The following VPS53 variants were observed in gnomAD, a reference collection of about 807,000 sequenced individuals.
VPS53 encodes the protein VPS53 subunit of GARP complex.
A neutral mutation model predicts 107.0 loss-of-function variants in VPS53; 70 were observed. That is an observed-to-expected ratio of 0.65 (90% CI 0.54 to 0.80). The LOEUF is 0.80. Among genes scored for constraint, VPS53 ranks in the 30% least tolerant of loss-of-function variants. The pLI is 0.00. For synonymous variants in VPS53, 409 were observed against 393.3 expected, an observed-to-expected ratio of 1.04 and a Z score of -0.47; for missense variants, 917 against 1,049.4, an observed-to-expected ratio of 0.87 and a Z score of 1.74.
intron 4 of VPS53, among the ~76,000 whole-genome samples, chr17:691,322 A>G (rs1407405144): frequency 6.6e-6 from 1 of 152,226 alleles, no homozygotes; most frequent in African/African-American, 2.4e-5. Context: ...GTTTCTCACA[A>G]CTAAAGCTAT....
intron 11 of VPS53, among the ~76,000 whole-genome samples, chr17:622,447 G>A (rs1969508095): frequency 2.0e-5 from 3 of 151,600 alleles, no homozygotes; most frequent in African/African-American, 7.3e-5. Context: ...CTCTCAACTT[G>A]GATTTCTTCT....
At chr17:583,805 A>G (rs969656990) in intron 13 of VPS53, among the ~76,000 whole-genome samples, 3 of 148,408 alleles carry the variant, frequency 2.0e-5, no homozygotes, top group Non-Finnish European at 3.0e-5. Context: ...CAGGACCTCA[A>G]TGCATTCCCA....
intron 13 of VPS53, among the ~76,000 whole-genome samples, chr17:584,838 T>C (rs1299535083): frequency 1.3e-5 from 2 of 152,190 alleles, no homozygotes; most frequent in East Asian, 3.8e-4. Flanking sequence ...GTGAAAAGCA[T>C]ATACTGTATT....
intron 13 of VPS53, among the ~76,000 whole-genome samples, chr17:564,370 A>C (rs1913294115): frequency 6.6e-6 from 1 of 151,636 alleles, no homozygotes; most frequent in African/African-American, 2.4e-5. Context: ...CCCCGTCTCT[A>C]CTAAAAATAC....
At chr17:547,804 A>T (rs747469421) in intron 17 of VPS53, among the ~76,000 whole-genome samples, 3 of 151,890 alleles carry the variant, frequency 2.0e-5, no homozygotes, top group Non-Finnish European at 4.4e-5. Flanking sequence ...TGTCCAGCAA[A>T]TTTTTTGTGT....
intron 11 of VPS53, among the ~76,000 whole-genome samples, chr17:612,359 G>A (rs1290440724): frequency 1.7e-5 from 2 of 116,134 alleles, no homozygotes; most frequent in Non-Finnish European, 1.9e-5. Context: ...TTCACATAGT[G>A]AGTTCACACA....
At chr17:634,053 C>CCG in intron 7 of VPS53, among the ~76,000 whole-genome samples, 1 of 152,330 alleles carries the variant, frequency 6.6e-6, no homozygotes, top group East Asian at 1.9e-4. Context: ...GGAAGTCCAG[C>CCG]CGCTAGCCAG....
intron 18 of VPS53, among the ~76,000 whole-genome samples, chr17:535,582 G>C (rs961210130): frequency 6.6e-6 from 1 of 152,220 alleles, no homozygotes; most frequent in African/African-American, 2.4e-5. Context: ...TTTAACGTAA[G>C]CTCAATGAGA....
intron 8 of VPS53, among the ~76,000 whole-genome samples, chr17:629,777 A>C (rs568806988): frequency 6.8e-6 from 1 of 147,028 alleles, no homozygotes; most frequent in Non-Finnish European, 1.5e-5. Flanking sequence ...AAAAGAAAAG[A>C]AAAGAAAACT....
intron 17 of VPS53, among the ~76,000 whole-genome samples, chr17:549,231 G>A (rs975074651): frequency 6.6e-6 from 1 of 152,168 alleles, no homozygotes; most frequent in Admixed American, 6.5e-5. Flanking sequence ...AATCCTAGAA[G>A]AAACTACACA....
At chr17:714,417 A>G in intron 1 of VPS53, 4 of 583,796 alleles carry the variant, frequency 6.9e-6, no homozygotes, top group Non-Finnish European at 9.0e-6. Context: ...GCCCTCGCCA[A>G]AGACAATCAA....
At chr17:545,675 G>A (rs1293784719) in intron 17 of VPS53, among the ~76,000 whole-genome samples, 1 of 152,130 alleles carries the variant, frequency 6.6e-6, no homozygotes, top group Non-Finnish European at 1.5e-5. Context: ...AGTCATTCAG[G>A]GAATACTACA....
intron 11 of VPS53, among the ~76,000 whole-genome samples, chr17:609,721 C>T (rs1174086322): frequency 6.6e-6 from 1 of 151,840 alleles, no homozygotes; most frequent in East Asian, 1.9e-4. Context: ...CAACTTGAGC[C>T]GATAATTCCA....
At position 657,626 on chromosome 17, in the gene VPS53, C is replaced by T. The variant is rs970293825; in HGVS notation, c.373-1673G>A. 14 of 630,736 alleles carry T rather than the reference C, an allele frequency of 2.2e-5. No homozygotes were observed. In the East Asian group the frequency reaches 2.8e-4, roughly 12 times the overall value. 39.1% of individuals were successfully genotyped at this position (630,736 alleles called of 1,614,324 possible). A position where few individuals can be genotyped will look rare whatever the true frequency, so the allele number is the denominator to read the frequency against. On this transcript the variant is annotated intron_variant, in intron 5 of 21. Coordinates refer to ENST00000437048, the MANE Select transcript of VPS53 (RefSeq NM_001128159.3). ...AGTTTCTTAATAGCAATTTGGTTGC[C>T]CAGGTTCTGTGATACCTGGAAGGAA... is the stretch of plus-strand genomic sequence containing the variant.
At chr17:602,035 C>G (rs1334291333) in intron 11 of VPS53, 139 bp from the exon 12 acceptor site, 3 of 512,928 alleles carry the variant, frequency 5.8e-6, no homozygotes, top group Non-Finnish European at 9.6e-6. Flanking sequence ...CAACCCAGAC[C>G]ACATTCTTGC....
intron 11 of VPS53, among the ~76,000 whole-genome samples, chr17:614,526 G>C (rs142795244): frequency 2.2e-3 from 329 of 152,218 alleles, no homozygotes; most frequent in African/African-American, 7.5e-3. Flanking sequence ...CATTTCTTTA[G>C]CACCAGTAAA....
chr17:626,062 T>C (rs1437368596), intron 10 of VPS53, among the ~76,000 whole-genome samples: 1 of 151,874 alleles, frequency 6.6e-6, no homozygotes, highest in Non-Finnish European at 1.5e-5. Context: ...ACACAAAAAT[T>C]AGCCGGTGTG....
At chr17:621,236 G>A (rs1484114821) in intron 11 of VPS53, among the ~76,000 whole-genome samples, 1 of 152,146 alleles carries the variant, frequency 6.6e-6, no homozygotes, top group Non-Finnish European at 1.5e-5. Context: ...TGGGATGACA[G>A]GCGTGAGCTG....
chr17:567,566 T>A (rs1047123417), intron 13 of VPS53, among the ~76,000 whole-genome samples: 1 of 151,482 alleles, frequency 6.6e-6, no homozygotes, highest in Non-Finnish European at 1.5e-5. Flanking sequence ...AGTGGCATGA[T>A]CATGGCTCAC....
Sources: allele counts gnomAD v4.1 joint callset (sites outside exome capture counted in the v4.1 genomes callset), GRCh38; gene constraint gnomAD v4.1.1; transcripts MANE v1.5; gene names NCBI Gene and HGNC (gene_info 2026-07-23, HGNC 2026-07-21).